The following SUGCT variants were observed in gnomAD, a reference collection of about 807,000 sequenced individuals.
The protein encoded by SUGCT is succinyl-CoA:glutarate CoA-transferase.
In SUGCT, 41 loss-of-function variants were observed where a neutral mutation model predicts 55.0. The ratio of observed to expected loss-of-function variants is 0.74; its 90% CI spans 0.58 to 0.97. The LOEUF (loss-of-function observed/expected upper bound fraction) is 0.97, where lower values mean the gene tolerates loss of function less well. SUGCT is among the 50% of genes least tolerant of loss of function. SUGCT has a pLI of 0.00. For missense variants in SUGCT, 568 were observed against 547.8 expected (o/e 1.04, Z -0.37); for synonymous variants, 187 against 200.4 (o/e 0.93, Z 0.56).
At chr7:40,814,387 C>A (rs2128760643) in intron 13 of SUGCT, among the ~76,000 whole-genome samples, 1 of 152,054 alleles carries the variant, frequency 6.6e-6, no homozygotes, top group Non-Finnish European at 1.5e-5. Context: ...CAACTTTATT[C>A]ATTTTTTAAA....
intron 12 of SUGCT, among the ~76,000 whole-genome samples, chr7:40,685,010 T>A (rs1283661307): frequency 6.6e-6 from 1 of 152,084 alleles, no homozygotes; most frequent in Non-Finnish European, 1.5e-5. Flanking sequence ...TTTGTGTGTG[T>A]TTATTTTTTT....
rs949982795 is a variant in SUGCT, at chr7:40,299,528, A to G, written c.721-17232A>G. 6.6e-5 allele frequency among the ~76,000 whole-genome samples: 10 copies of G among 152,184 alleles called. No homozygotes were observed. The South Asian group carries it at 1.9e-3, about 28-fold the overall frequency. ...AGAAGAGATACTAATAATTGGCTCAATGAGCAAGTACAAGCTAGCTGCAGC... is the reference window on the plus strand; with the variant it reads ...AGAAGAGATACTAATAATTGGCTCAGTGAGCAAGTACAAGCTAGCTGCAGC... On this transcript the variant is annotated intron_variant, in intron 8 of 13. Transcript: ENST00000335693.
chr7:40,546,643 G>A (rs927959477), intron 12 of SUGCT: 2 of 152,164 alleles, frequency 1.3e-5, no homozygotes, highest in African/African-American at 4.8e-5. Context: ...AAGGACCCTG[G>A]AAGATTTATG....
intron 6 of SUGCT, among the ~76,000 whole-genome samples, chr7:40,222,012 C>G (rs1258928484): frequency 1.3e-5 from 2 of 152,280 alleles, no homozygotes; most frequent in Non-Finnish European, 2.9e-5. Flanking sequence ...TTTGGGATGC[C>G]ACTGCAGTTC....
chr7:40,352,557 G>A (rs1003207219), intron 9 of SUGCT, among the ~76,000 whole-genome samples: 33 of 152,072 alleles, frequency 2.2e-4, no homozygotes, highest in Non-Finnish European at 1.2e-4. Flanking sequence ...GTAAGAACAT[G>A]GCGGTGTTTG....
the SUGCT span, among the ~76,000 whole-genome samples, chr7:40,970,957 T>C: frequency 6.6e-6 from 1 of 152,298 alleles, no homozygotes; most frequent in African/African-American, 2.4e-5. Context: ...CTTACGTTTT[T>C]AAAAAATCAG....
chr7:40,618,405 G>A (rs553455365), intron 12 of SUGCT, among the ~76,000 whole-genome samples: 1 of 152,132 alleles, frequency 6.6e-6, no homozygotes, highest in Non-Finnish European at 1.5e-5. Flanking sequence ...AACCTAACCA[G>A]ACTTCTACTG....
At position 40,704,428 on chromosome 7, in the gene SUGCT, G is replaced by A. The variant is rs1353455492; in HGVS notation, c.1090-45006G>A. ...GTGGACAATAAGACCCATATTAGAA[G>A]GGAGGTGGGGGTGAGTAGTCAGGGA... On this transcript the variant is annotated intron_variant, in intron 12 of 13. Coordinates refer to ENST00000335693, the MANE Select transcript of SUGCT (RefSeq NM_001193313.2). Among the ~76,000 whole-genome samples, 3 of 152,146 alleles carry A rather than the reference G, an allele frequency of 2.0e-5. No individual in the cohort carries two copies. In the East Asian group the frequency reaches 5.8e-4, roughly 29 times the overall value.
At chr7:40,959,113 G>A in the SUGCT span, among the ~76,000 whole-genome samples, 4 of 152,198 alleles carry the variant, frequency 2.6e-5, no homozygotes, top group African/African-American at 9.6e-5. Flanking sequence ...ACCCCTGCTG[G>A]GAGGTGTCTC....
At chr7:41,008,329 G>A in the SUGCT span, among the ~76,000 whole-genome samples, 1 of 152,190 alleles carries the variant, frequency 6.6e-6, no homozygotes, top group Non-Finnish European at 1.5e-5. Context: ...AGCCCTGGGA[G>A]GGCATCTCAG....
At chr7:40,362,103 C>G (rs1405425823) in intron 9 of SUGCT, among the ~76,000 whole-genome samples, 1 of 152,032 alleles carries the variant, frequency 6.6e-6, no homozygotes, top group African/African-American at 2.4e-5. Flanking sequence ...GGCTGCATCA[C>G]CTTCTTGATT....
At chr7:40,983,278 A>G in the SUGCT span, among the ~76,000 whole-genome samples, 1 of 152,118 alleles carries the variant, frequency 6.6e-6, no homozygotes, top group Non-Finnish European at 1.5e-5. Context: ...GTTTACTGCT[A>G]CTGAACACAT....
At chr7:40,535,307 C>T (rs1189014083) in intron 12 of SUGCT, among the ~76,000 whole-genome samples, 1 of 152,100 alleles carries the variant, frequency 6.6e-6, no homozygotes, top group Non-Finnish European at 1.5e-5. Flanking sequence ...ACCCTTGTTC[C>T]CCTTCCTCCC....
chr7:40,935,069 C>G, the SUGCT span, among the ~76,000 whole-genome samples: 1 of 152,142 alleles, frequency 6.6e-6, no homozygotes, highest in Admixed American at 6.5e-5. Context: ...ACCCAAAACT[C>G]TAATTTTAAA....
chr7:40,994,967 C>T, the SUGCT span, among the ~76,000 whole-genome samples: 1 of 152,192 alleles, frequency 6.6e-6, no homozygotes, highest in Non-Finnish European at 1.5e-5. Flanking sequence ...GCTTTCTGTA[C>T]AGCCTGCGGA....
At chr7:40,615,005 A>G (rs1405907391) in intron 12 of SUGCT, among the ~76,000 whole-genome samples, 2 of 151,948 alleles carry the variant, frequency 1.3e-5, no homozygotes, top group African/African-American at 4.8e-5. Flanking sequence ...GCAGTAAGCC[A>G]AGATCACGCC....
chr7:40,646,212 T>C (rs10282661), intron 12 of SUGCT, among the ~76,000 whole-genome samples: 72,236 of 152,058 alleles, frequency 0.48, 21,985 homozygotes, highest in African/African-American at 0.87. Flanking sequence ...GCTCAAATGC[T>C]TCCAATTCTC....
the SUGCT span, among the ~76,000 whole-genome samples, chr7:40,877,964 C>T: frequency 2.1e-4 from 32 of 152,306 alleles, no homozygotes; most frequent in African/African-American, 7.2e-4. Flanking sequence ...TTCTCTTATC[C>T]GCTTCAGATA....
intron 13 of SUGCT, among the ~76,000 whole-genome samples, chr7:40,812,681 T>C (rs1034668928): frequency 6.6e-6 from 1 of 152,096 alleles, no homozygotes; most frequent in African/African-American, 2.4e-5. Flanking sequence ...AACTTTGGAT[T>C]TTACTAATTC....
Sources: gnomAD v4.1 joint callset for allele counts (sites outside exome capture counted in the v4.1 genomes callset) on GRCh38, gnomAD v4.1.1 for gene constraint, MANE v1.5 for transcripts, NCBI Gene and HGNC (gene_info 2026-07-23, HGNC 2026-07-21) for gene names.